The following PTDSS1 variants were observed in gnomAD, a reference collection of about 807,000 sequenced individuals.
The protein encoded by PTDSS1 is phosphatidylserine synthase 1.
In PTDSS1, 45 loss-of-function variants were observed where a neutral mutation model predicts 70.5. That is an observed-to-expected ratio of 0.64 (90% CI 0.50 to 0.82). PTDSS1 has a LOEUF of 0.82. Ranked by LOEUF, PTDSS1 falls within the 40% of genes least tolerant of loss-of-function variation. The probability of loss-of-function intolerance (pLI) is 0.00; values close to 1 mark genes in which losing one functional copy is unlikely to be tolerated. For missense variants in PTDSS1, 417 were observed against 586.1 expected (o/e 0.71, Z 2.98); for synonymous variants, 188 against 203.8 (o/e 0.92, Z 0.66).
chr8:96,320,542 G>T, intron 10 of PTDSS1, among the ~76,000 whole-genome samples, 197 bp downstream of exon 10: 1 of 152,016 alleles, frequency 6.6e-6, no homozygotes, highest in East Asian at 1.9e-4. Context: ...TCTGAAATAG[G>T]TCACCTCAGC....
At chr8:96,291,780 G>A (rs573397045) in intron 4 of PTDSS1, among the ~76,000 whole-genome samples, 3 of 152,212 alleles carry the variant, frequency 2.0e-5, no homozygotes, top group Admixed American at 2.0e-4. Context: ...GTAGAACTCA[G>A]GTGTAGGGGC....
At chr8:96,278,865 A>G (rs965592222) in intron 2 of PTDSS1, among the ~76,000 whole-genome samples, 4 of 152,002 alleles carry the variant, frequency 2.6e-5, no homozygotes, top group African/African-American at 7.3e-5. Context: ...TTAACTTCTC[A>G]TGAATATATG....
chr8:96,316,506 A>C (rs1811290598), intron 9 of PTDSS1, among the ~76,000 whole-genome samples: 1 of 152,164 alleles, frequency 6.6e-6, no homozygotes. Context: ...GGAGCTAAAC[A>C]TTGAGTACAC....
chr8:96,272,571 G>C (rs187945864), intron 1 of PTDSS1, among the ~76,000 whole-genome samples: 68 of 152,242 alleles, frequency 4.5e-4, no homozygotes, highest in Admixed American at 4.1e-3. Context: ...TCAGTGTCTA[G>C]CAGACCTGGT....
intron 2 of PTDSS1, among the ~76,000 whole-genome samples, chr8:96,276,978 G>GCACA (rs1157385221): frequency 0.059 from 7,587 of 129,606 alleles, 230 homozygotes; most frequent in Non-Finnish European, 0.079. Flanking sequence ...GCGCACGCGC[G>GCACA]CGCACACACA....
intron 9 of PTDSS1, 89 bp downstream of exon 9, chr8:96,309,711 A>C: frequency 7.7e-7 from 1 of 1,305,738 alleles, no homozygotes. Flanking sequence ...AGAGCCTTTC[A>C]GTATAATTTT....
chr8:96,317,057 A>ATGTGTG lies in PTDSS1; in HGVS notation c.1074-3179_1074-3174dup, dbSNP rs749702023. 1.2e-3 allele frequency among the ~76,000 whole-genome samples: 184 copies of ATGTGTG among 148,470 alleles called. 1 individual carries two copies. The highest frequency in any genetic ancestry group is 4.4e-3 in the African/African-American group (173 of 39,768). ...TCTATATATATGTGTGTATATATAT[A>ATGTGTG]TGTGTGTGTGTGTGTATATATATAT... is the stretch of plus-strand genomic sequence containing the variant. On this transcript the variant is annotated intron_variant, in intron 9 of 12. Transcript: ENST00000517309.
intron 1 of PTDSS1, among the ~76,000 whole-genome samples, chr8:96,265,102 T>C (rs1220401371): frequency 6.6e-6 from 1 of 152,234 alleles, no homozygotes; most frequent in African/African-American, 2.4e-5. Flanking sequence ...TAAATGAAAA[T>C]GTATCCTATG....
intron 2 of PTDSS1, among the ~76,000 whole-genome samples, chr8:96,281,354 G>A (rs959304193): frequency 6.6e-6 from 1 of 152,152 alleles, no homozygotes; most frequent in African/African-American, 2.4e-5. Flanking sequence ...CTCGCAGGGC[G>A]GCAGATTTGA....
At chr8:96,317,071 G>A (rs35973436) in intron 9 of PTDSS1, among the ~76,000 whole-genome samples, 281 of 148,616 alleles carry the variant, frequency 1.9e-3, no homozygotes, top group African/African-American at 5.1e-3. Flanking sequence ...GTGTGTGTGT[G>A]TATATATATA....
At chr8:96,280,292 TG>T (rs918662348) in intron 2 of PTDSS1, among the ~76,000 whole-genome samples, 2 of 151,940 alleles carry the variant, frequency 1.3e-5, no homozygotes, top group Admixed American at 6.6e-5. Context: ...GAGGCGGAGG[TG>T]GGCGGATCAC....
intron 10 of PTDSS1, among the ~76,000 whole-genome samples, chr8:96,322,947 A>C (rs933071684): frequency 2.6e-5 from 4 of 152,210 alleles, no homozygotes; most frequent in Admixed American, 1.3e-4. Flanking sequence ...GAAATCACAC[A>C]GGTCGTCTAC....
chr8:96,292,530 G>T (rs1378292246), intron 4 of PTDSS1, among the ~76,000 whole-genome samples: 2 of 152,232 alleles, frequency 1.3e-5, no homozygotes, highest in African/African-American at 4.8e-5. Context: ...CCTGCCTGAG[G>T]CTAGGAGGCT....
intron 10 of PTDSS1, among the ~76,000 whole-genome samples, chr8:96,327,142 CAAT>C (rs150207054): frequency 1.1e-4 from 17 of 152,202 alleles, no homozygotes; most frequent in African/African-American, 4.1e-4. Context: ...TCTAATCTGT[CAAT>C]AACACTGGAA....
chr8:96,330,907 C>T (rs1811505871), intron 11 of PTDSS1, 119 bp from the exon 12 acceptor site: 2 of 788,362 alleles, frequency 2.5e-6, no homozygotes, highest in East Asian at 2.5e-5. Context: ...GGTTCTGTCA[C>T]TTGCCAGTGA....
intron 10 of PTDSS1, 35 bp from the exon 11 acceptor site, chr8:96,330,178 T>G (rs1243628771): frequency 4.4e-6 from 7 of 1,580,256 alleles, no homozygotes; most frequent in African/African-American, 2.7e-5. Flanking sequence ...GAAATTGAAC[T>G]TTTTTGTGCA....
chr8:96,273,479 G>C, intron 2 of PTDSS1, 89 bp downstream of exon 2: 2 of 1,006,662 alleles, frequency 2.0e-6, no homozygotes, highest in South Asian at 1.6e-5. Flanking sequence ...ATGAAGTAAA[G>C]AAATAATCTG....
At chr8:96,274,819 C>T (rs1051952318) in intron 2 of PTDSS1, among the ~76,000 whole-genome samples, 1 of 152,148 alleles carries the variant, frequency 6.6e-6, no homozygotes, top group African/African-American at 2.4e-5. Flanking sequence ...TTTACAAGAA[C>T]GTAGTGGTTT....
intron 3 of PTDSS1, among the ~76,000 whole-genome samples, chr8:96,286,454 C>A (rs1810823764): frequency 6.6e-6 from 1 of 152,194 alleles, no homozygotes; most frequent in Admixed American, 6.5e-5. Context: ...CCCTGGGCCA[C>A]CTCTTGAACC....
Sources: allele counts gnomAD v4.1 joint callset (sites outside exome capture counted in the v4.1 genomes callset), GRCh38; gene constraint gnomAD v4.1.1; transcripts MANE v1.5; gene names NCBI Gene and HGNC (gene_info 2026-07-23, HGNC 2026-07-21).